The following SGSH variants were observed in gnomAD, a reference collection of about 807,000 sequenced individuals.
SGSH encodes N-sulfoglucosamine sulfohydrolase, also known as heparan sulfate sulfatase.
Under a neutral mutation model 51.0 loss-of-function variants are expected in SGSH, and 48 were observed. The observed-to-expected ratio is 0.94, with a 90% CI of 0.75 to 1.20. The LOEUF is 1.20. Among genes scored for constraint, SGSH ranks in the 50% most tolerant of loss-of-function variants. The pLI is 0.00. For synonymous variants in SGSH, 321 were observed against 313.4 expected (o/e 1.02, Z -0.26); for missense variants, 662 against 717.8 (o/e 0.92, Z 0.89).
chr17:80,207,510 C>G (rs984392361), downstream of SGSH: 3 of 161,520 alleles, frequency 1.9e-5, no homozygotes, highest in Admixed American at 1.9e-4. Context: ...GATCGCGCCA[C>G]TGCACTCCAG....
At chr17:80,204,176 TG>T (rs1306481380), downstream of SGSH, 1 of 1,518,438 alleles carries the variant, frequency 6.6e-7, no homozygotes, top group South Asian at 1.3e-5. Flanking sequence ...TTCCCATTCC[TG>T]TTGATGGCTT....
At chr17:80,215,454 T>C (rs1376331380) in intron 2 of SGSH, among the ~76,000 whole-genome samples, 1 of 152,202 alleles carries the variant, frequency 6.6e-6, no homozygotes, top group Non-Finnish European at 1.5e-5. Context: ...CGTTACAGAG[T>C]GAAAAAGACA....
At chr17:80,206,990 C>T (rs778405709), downstream of SGSH, 8 of 1,612,158 alleles carry the variant, frequency 5.0e-6, no homozygotes, top group Middle Eastern at 3.3e-4. Context: ...CCCTCCTGGA[C>T]GTCCAGCTGG....
At chr17:80,204,629 A>C, downstream of SGSH, 1 of 205,542 alleles carries the variant, frequency 4.9e-6, no homozygotes, top group Non-Finnish European at 9.2e-6. Flanking sequence ...TGTCTCAGGA[A>C]AAAAAAAAAA....
At chr17:80,217,375 C>G in intron 1 of SGSH, 183 bp from the exon 2 acceptor site, 1 of 709,074 alleles carries the variant, frequency 1.4e-6, no homozygotes, top group East Asian at 2.7e-5. Context: ...ACCTAGGAGG[C>G]ATGACACCCG....
intron 7 of SGSH, chr17:80,211,331 C>G (rs531400247): frequency 7.2e-5 from 34 of 473,836 alleles, no homozygotes; most frequent in East Asian, 2.0e-4. Flanking sequence ...CCTGGCTCAT[C>G]ATTTGGGGCC....
downstream of SGSH, chr17:80,204,816 G>A (rs1037456413): frequency 7.9e-6 from 4 of 508,314 alleles, no homozygotes; most frequent in African/African-American, 7.8e-5. Context: ...AGCAGTCCCT[G>A]GAGAGCCACA....
At chr17:80,201,682 T>G in the SGSH span, 1 of 1,600,580 alleles carries the variant, frequency 6.2e-7, no homozygotes. This position sits in a 1 kb window ranked among gnomAD's most constrained non-coding sequence, Gnocchi z 5.0. Flanking sequence ...CAGCGCCTTC[T>G]GTCTTCTGGC....
chr17:80,216,569 T>C (rs1598755836), intron 2 of SGSH, among the ~76,000 whole-genome samples: 1 of 152,312 alleles, frequency 6.6e-6, no homozygotes, highest in East Asian at 1.9e-4. Flanking sequence ...GGAATGTTGA[T>C]GTTTGTGCAT....
chr17:80,202,341 G>A (rs151150961), downstream of SGSH: 486 of 1,613,376 alleles, frequency 3.0e-4, 1 homozygote, highest in Admixed American at 4.2e-4. Flanking sequence ...CCAGGGCTGC[G>A]GCTGCTGGCA....
Position 80,214,701 on chromosome 17 carries a change from C to T in SGSH, c.420G>A (p.Glu140=). The change falls in exon 4 of 8, where the codon GAG becomes GAA. Residue 140 remains glutamate, a synonymous_variant. Transcript: ENST00000326317. ...TVYPFDFAYT[E]ENGSVLQVGR... ...CCACCTGGAGGACGGAGCCATTCTCCTCCGTGTACGCAAAGTCAAACGGGT... is the reference window on the plus strand; with the variant it reads ...CCACCTGGAGGACGGAGCCATTCTCTTCCGTGTACGCAAAGTCAAACGGGT... The T allele has an allele frequency of 6.2e-7, 1 of 1,613,322 alleles. No homozygotes were observed. The highest frequency in any genetic ancestry group is 8.5e-7 in the Non-Finnish European group (1 of 1,179,996).
rs1598743959 is a variant in SGSH at position 80,212,687 on chromosome 17, C to T, written c.746-413G>A. 3.2e-6 allele frequency: 1 copy of T among 315,478 alleles called. No individual in the cohort carries two copies. The highest frequency in any genetic ancestry group is 6.2e-6 in the Non-Finnish European group (1 of 161,822). 19.5% of individuals were successfully genotyped at this position (315,478 alleles called of 1,614,324 possible). On this transcript the variant is annotated intron_variant, in intron 6 of 7. Coordinates refer to ENST00000326317, the MANE Select transcript of SGSH (RefSeq NM_000199.5). The surrounding 1 kb of genome is among the most constrained non-coding windows in gnomAD (Gnocchi z 5.9). The stretch of plus-strand genomic sequence containing the variant: ...CAGAGGACAAGGCTTCCTCTATACC[C>T]GCTCCTTCCCAGCTCACTAAGAATT...
chr17:80,217,798 G>A lies in SGSH; in HGVS notation c.89-606C>T, dbSNP rs528352357. On this transcript the variant is annotated intron_variant, in intron 1 of 7. Coordinates refer to ENST00000326317, the MANE Select transcript of SGSH (RefSeq NM_000199.5). ...TGATGCGTGGTTGGTATGTTAGCAG[G>A]CAGGCATGGTATCCAAGTGGGCATG... Among the ~76,000 whole-genome samples the A allele has an allele frequency of 2.8e-4, 42 of 152,230 alleles. 1 individual carries two copies. The South Asian group carries it at 3.9e-3, about 14-fold the overall frequency.
Position 80,212,307 on chromosome 17 carries a change from C to T in SGSH, c.746-33G>A, listed in dbSNP as rs755816561. The T allele has an allele frequency of 6.4e-6, 10 of 1,565,962 alleles. 1 individual carries two copies. The Admixed American group carries it at 7.4e-5, about 12-fold the overall frequency. ...GAGGGGCCGAGAAGCAGAGCTCAGC[C>T]GCAGACACGGAGGGAGGCAGCGGGT... On this transcript the variant is annotated intron_variant, in intron 6 of 7. Coordinates refer to ENST00000326317, the MANE Select transcript of SGSH (RefSeq NM_000199.5). This position sits in a 1 kb window ranked among gnomAD's most constrained non-coding sequence, Gnocchi z 5.9.
At position 80,212,116 on chromosome 17, in the gene SGSH, G is replaced by T; in HGVS notation, c.904C>A (p.Pro302Thr). The change falls in exon 7 of 8, where the codon CCA (proline) becomes ACA (threonine). Residue 302 changes from proline (P) to threonine (T), a missense_variant. Coordinates refer to ENST00000326317, the MANE Select transcript of SGSH (RefSeq NM_000199.5). The surrounding 1 kb of genome is among the most constrained non-coding windows in gnomAD (Gnocchi z 5.9). ...TCGCTGACTTGGCCCCAGCGTTTTG[G>T]GTGCTCCGGGGATGACACCAGTAAG... ...EPLLVSSPEH[P>T]KRWGQVSEAY... 1 of 1,613,630 alleles carries T rather than the reference G, an allele frequency of 6.2e-7. No individual in the cohort carries two copies. The highest frequency in any genetic ancestry group is 8.5e-7 in the Non-Finnish European group (1 of 1,180,024).
chr17:80,204,778 G>A (rs1400320901), downstream of SGSH: 2 of 477,354 alleles, frequency 4.2e-6, no homozygotes, highest in Admixed American at 3.7e-5. Context: ...TGGGCCTATA[G>A]GAAACAGGAT....
In SGSH at chr17:80,210,244, GA is replaced by G; in HGVS notation, c.*207del. 1.4e-6 allele frequency: 2 copies of G among 1,425,206 alleles called. No individual in the cohort carries two copies. Among genetic ancestry groups the G allele is most frequent in the Non-Finnish European group, 1.8e-6 (2 of 1,093,836 alleles). The allele number at this position is 1,425,206 out of a possible 1,614,324, so 88.3% of individuals were successfully genotyped here. On this transcript the variant is annotated 3_prime_UTR_variant, in exon 8 of 8. Transcript: ENST00000326317. ...CATGACGGCAGTGCCCCTGGTGGTG[GA>G]GGGGCTGGGCACATGCTCTGGTCAC...
Position 80,213,920 on chromosome 17 carries a change from G to T in SGSH, c.664-35C>A. ...GCGGTGGGGAGCCAGGCTTAGAACA[G>T]ACAGACCGGGGGAGCGGTGTCCAGC... On this transcript the variant is annotated intron_variant, in intron 5 of 7. Coordinates refer to ENST00000326317, the MANE Select transcript of SGSH (RefSeq NM_000199.5). This position sits in a 1 kb window ranked among gnomAD's most constrained non-coding sequence, Gnocchi z 4.6. The T allele has an allele frequency of 6.6e-7, 1 of 1,511,438 alleles. No individual in the cohort carries two copies. The allele number at this position is 1,511,438 out of a possible 1,614,324, so 93.6% of individuals were successfully genotyped here. A position where few individuals can be genotyped will look rare whatever the true frequency, so the allele number is the denominator to read the frequency against.
At position 80,212,373 on chromosome 17, in the gene SGSH, G is replaced by A. The variant is rs1308354759; in HGVS notation, c.746-99C>T. ...ACCTGCTGCTGCATCCGGCCGCTGGGCTCCAGCGCTTTCCGGATTCGAAAG... is the reference window on the plus strand; with the variant it reads ...ACCTGCTGCTGCATCCGGCCGCTGGACTCCAGCGCTTTCCGGATTCGAAAG... On this transcript the variant is annotated intron_variant, in intron 6 of 7. Coordinates refer to ENST00000326317, the MANE Select transcript of SGSH (RefSeq NM_000199.5). This position sits in a 1 kb window ranked among gnomAD's most constrained non-coding sequence, Gnocchi z 5.9. 9.3e-6 allele frequency: 10 copies of A among 1,069,774 alleles called. No homozygotes were observed. Among genetic ancestry groups the A allele is most frequent in the African/African-American group, 1.6e-5 (1 of 63,538 alleles). 66.3% of individuals were successfully genotyped at this position (1,069,774 alleles called of 1,614,324 possible).
Sources: gnomAD v4.1 joint callset for allele counts (sites outside exome capture counted in the v4.1 genomes callset) on GRCh38, gnomAD v4.1.1 for gene constraint, Gnocchi (gnomAD v3.1) non-coding constraint, MANE v1.5 for transcripts, NCBI Gene and HGNC (gene_info 2026-07-23, HGNC 2026-07-21) for gene names.